Variants in BRD4 observed in about 807,000 individuals in gnomAD.
BRD4 encodes bromodomain containing 4.
A neutral mutation model predicts 142.1 loss-of-function variants in BRD4; 16 were observed. The observed-to-expected ratio is 0.11, with a 90% CI of 0.08 to 0.17. The LOEUF is 0.17. Ranked by LOEUF, BRD4 falls within the 10% of genes least tolerant of loss-of-function variation. The pLI, the probability that BRD4 is intolerant of heterozygous loss-of-function variation, is 1.00. For synonymous variants in BRD4, 833 were observed against 707.5 expected (o/e 1.18, Z -2.82); for missense variants, 1,424 against 1,810.9 (o/e 0.79, Z 3.88).
Position 15,256,009 on chromosome 19 carries a change from A to T in BRD4, c.1751+55T>A, listed in dbSNP as rs927934594. 3.8e-6 allele frequency: 6 copies of T among 1,599,256 alleles called. No homozygotes were observed. In the East Asian group the frequency reaches 1.1e-4, roughly 30 times the overall value. ...GAGGGGCAGTGGCCCACACAGTCTC[A>T]GAGCAAGCCCTGGAAGGAGGGTCCC... is the stretch of plus-strand genomic sequence containing the variant. On this transcript the variant is annotated intron_variant, in intron 9 of 19. Coordinates refer to ENST00000679869, the MANE Select transcript of BRD4 (RefSeq NM_001379291.1).
chr19:15,299,771 G>A (rs1568403348), intron 1 of BRD4, among the ~76,000 whole-genome samples: 1 of 152,180 alleles, frequency 6.6e-6, no homozygotes, highest in Non-Finnish European at 1.5e-5. Flanking sequence ...CAGGAGAGTG[G>A]GGCTCAACAT....
intron 1 of BRD4, among the ~76,000 whole-genome samples, chr19:15,276,113 G>T (rs1347509543): frequency 6.6e-6 from 1 of 152,180 alleles, no homozygotes; most frequent in Non-Finnish European, 1.5e-5. Flanking sequence ...CACCTCAAGG[G>T]ACCACACTGA....
chr19:15,312,781 C>G (rs551698870), intron 1 of BRD4, among the ~76,000 whole-genome samples: 2 of 150,284 alleles, frequency 1.3e-5, no homozygotes, highest in Non-Finnish European at 3.0e-5. Context: ...ACTAAAAATA[C>G]AAAATTAGCC....
At chr19:15,277,619 CAAAAAAAAAAA>C (rs67961221) in intron 1 of BRD4, among the ~76,000 whole-genome samples, 1 of 96,024 alleles carries the variant, frequency 1.0e-5, no homozygotes, top group Admixed American at 1.2e-4. Flanking sequence ...CTATCTCTAC[CAAAAAAAAAAA>C]AAAAAAAAAA....
chr19:15,280,437 A>C, intron 1 of BRD4: 1 of 1,013,508 alleles, frequency 9.9e-7, no homozygotes, highest in South Asian at 4.6e-5. Flanking sequence ...TTCTAGCAGT[A>C]GTATTCCAAA....
At chr19:15,261,891 AAAAT>A (rs965333467) in intron 7 of BRD4, among the ~76,000 whole-genome samples, 5 of 151,882 alleles carry the variant, frequency 3.3e-5, no homozygotes, top group Admixed American at 1.3e-4. Context: ...CCCGTTTCCA[AAAAT>A]AAATAAATAA....
chr19:15,244,632 C>T (rs1342831822), intron 12 of BRD4, 32 bp from the exon 13 acceptor site: 7 of 1,613,882 alleles, frequency 4.3e-6, no homozygotes, highest in Non-Finnish European at 5.9e-6. Flanking sequence ...GACAGACAGG[C>T]TGATGTCAGG....
At chr19:15,267,614 G>A in intron 3 of BRD4, 63 bp from the exon 4 acceptor site, 2 of 1,555,590 alleles carry the variant, frequency 1.3e-6, no homozygotes, top group Non-Finnish European at 8.7e-7. Flanking sequence ...TGTAGACAGG[G>A]CACCCCATGC....
chr19:15,278,105 C>CAAAAAAAAAAAAAAAAAAA (rs59204229), intron 1 of BRD4, among the ~76,000 whole-genome samples: 1 of 55,028 alleles, frequency 1.8e-5, no homozygotes, highest in African/African-American at 6.7e-5. Flanking sequence ...GACTCCGTCT[C>CAAAAAAAAAAAAAAAAAAA]AAAAAAAAAA....
rs1229502583 is a variant in BRD4, at chr19:15,273,029, G to C, written c.71C>G (p.Ser24Cys). The C allele has an allele frequency of 6.2e-7, 1 of 1,613,912 alleles. No homozygotes were observed. Among genetic ancestry groups the C allele is most frequent in the South Asian group, 1.1e-5 (1 of 91,066 alleles). The change falls in exon 2 of 20, where the codon TCC becomes TGC. Residue 24 changes from serine (S) to cysteine (C), a missense_variant. Ser to Cys is a moderately radical substitution (Grantham distance 112). Transcript: ENST00000679869. ...CTGGGCCTGTGTTGTAGACATTTGGGAAGTTTCTAGTCCATCCCCCATTAC... is the reference window on the plus strand; with the variant it reads ...CTGGGCCTGTGTTGTAGACATTTGGCAAGTTTCTAGTCCATCCCCCATTAC... Reference protein sequence around the residue: ...LPVMGDGLETSQMSTTQAQAQ... With the variant: ...LPVMGDGLETCQMSTTQAQAQ...
chr19:15,244,518 G>A lies in BRD4; in HGVS notation c.2294C>T (p.Pro765Leu). 1.3e-6 allele frequency: 2 copies of A among 1,552,438 alleles called. No individual in the cohort carries two copies. Among genetic ancestry groups the A allele is most frequent in the Non-Finnish European group, 1.7e-6 (2 of 1,157,210 alleles). ...TTGCTGCTGCGGAGGTGGAGGCGGT[G>A]GGGGCTGCTGGGGAGGCGGGGGCGG... ...QQPPPPPQQPPPPPPPQQQQQ... is the reference protein window; with the variant it reads ...QQPPPPPQQPLPPPPPQQQQQ... Residue 765 changes from proline (P) to leucine (L), a missense_variant, in exon 13 of 20, where the codon CCA becomes CTA. Pro to Leu is a moderately conservative substitution (Grantham distance 98). Around this residue, in one of 16 missense-constraint regions of BRD4, gnomAD observed 598 missense variants for 647.8 expected, o/e 0.92. Coordinates refer to ENST00000679869, the MANE Select transcript of BRD4 (RefSeq NM_001379291.1).
chr19:15,294,662 T>C (rs377393827), intron 1 of BRD4, among the ~76,000 whole-genome samples: 11 of 152,322 alleles, frequency 7.2e-5, no homozygotes, highest in Middle Eastern at 3.4e-3. Context: ...GAGCCAATCA[T>C]TGGGACTTCT....
chr19:15,310,792 G>C (rs1298505285), intron 1 of BRD4, among the ~76,000 whole-genome samples: 1 of 151,676 alleles, frequency 6.6e-6, no homozygotes, highest in Non-Finnish European at 1.5e-5. Context: ...ACCGTGCCTG[G>C]CCTTAAACAG....
At position 15,238,546 on chromosome 19, in the gene BRD4, C is replaced by T. The variant is rs1010406754; in HGVS notation, c.4021-101G>A. The T allele has an allele frequency of 1.5e-5, 23 of 1,582,418 alleles. No homozygotes were observed. Among genetic ancestry groups the T allele is most frequent in the South Asian group, 9.3e-5 (8 of 85,670 alleles). ...CAGCAGTCAGCCCCGTAGCCCTCCC[C>T]GTGGCTGACCCCTCATAGCGCTCAC... On this transcript the variant is annotated intron_variant, in intron 19 of 19. Coordinates refer to ENST00000679869, the MANE Select transcript of BRD4 (RefSeq NM_001379291.1). This position sits in a 1 kb window ranked among gnomAD's most constrained non-coding sequence, Gnocchi z 7.2.
chr19:15,252,773 G>A (rs1426308249), intron 11 of BRD4, among the ~76,000 whole-genome samples: 1 of 152,172 alleles, frequency 6.6e-6, no homozygotes, highest in Non-Finnish European at 1.5e-5. Flanking sequence ...CTGGAGTCCT[G>A]GAGGGTCCTT....
At chr19:15,278,142 C>CAAAAAAAAAAAAAAA (rs2047669367) in intron 1 of BRD4, among the ~76,000 whole-genome samples, 1 of 89,268 alleles carries the variant, frequency 1.1e-5, no homozygotes, top group African/African-American at 4.1e-5. Context: ...AAAAAAAAAT[C>CAAAAAAAAAAAAAAA]AAAATCAACA....
At chr19:15,255,272 C>T in intron 10 of BRD4, 25 bp downstream of exon 10, 1 of 1,598,442 alleles carries the variant, frequency 6.3e-7, no homozygotes, top group Admixed American at 1.7e-5. Flanking sequence ...AGAAGGAACC[C>T]CATGCCCAGG....
In BRD4 at chr19:15,238,374, C is replaced by G. The variant is rs369068599; in HGVS notation, c.*3G>C. 7 of 1,613,930 alleles carry G rather than the reference C, an allele frequency of 4.3e-6. No individual in the cohort carries two copies. The highest frequency in any genetic ancestry group is 5.9e-6 in the Non-Finnish European group (7 of 1,179,928). On this transcript the variant is annotated 3_prime_UTR_variant, in exon 20 of 20. Transcript: ENST00000679869. The surrounding 1 kb of genome is among the most constrained non-coding windows in gnomAD (Gnocchi z 7.2). ...ATCAAAGTCAGAAGCCACCTAGGTG[C>G]GCTCAGAAAAGATTTTCTTCAAATA...
chr19:15,286,122 G>A (rs2047738180), intron 1 of BRD4, among the ~76,000 whole-genome samples: 1 of 152,298 alleles, frequency 6.6e-6, no homozygotes, highest in African/African-American at 2.4e-5. Flanking sequence ...CCACGCCTCT[G>A]TCCTATGGAC....
Sources: gnomAD v4.1 joint callset for allele counts (sites outside exome capture counted in the v4.1 genomes callset) on GRCh38, gnomAD v4.1.1 for gene constraint, gnomAD v4.1.1 regional missense constraint, Gnocchi (gnomAD v3.1) non-coding constraint, MANE v1.5 for transcripts, NCBI Gene and HGNC (gene_info 2026-07-23, HGNC 2026-07-21) for gene names.